FBN3: variants seen among roughly 807,000 people sequenced by gnomAD.
FBN3 encodes the protein fibrillin 3, also known as fibrillin-3.
FBN3 carries 234 observed loss-of-function variants against 330.1 expected under a neutral mutation model. That is an observed-to-expected ratio of 0.71 (90% CI 0.64 to 0.79). The LOEUF (loss-of-function observed/expected upper bound fraction) is 0.79. Among genes scored for constraint, FBN3 ranks in the 30% least tolerant of loss-of-function variants. The probability of loss-of-function intolerance (pLI) is 0.00; values close to 1 mark genes in which losing one functional copy is unlikely to be tolerated. For synonymous variants in FBN3, 1,458 were observed against 1,517.3 expected (o/e 0.96, Z 0.91); for missense variants, 3,606 against 3,886.9 (o/e 0.93, Z 1.92).
rs1224333054 is a variant in FBN3 at position 8,131,074 on chromosome 19, G to A, written c.2044+161C>T. Among the ~76,000 whole-genome samples, 1 of 152,182 alleles carries A rather than the reference G, an allele frequency of 6.6e-6. No individual in the cohort carries two copies. Reference sequence around the variant, plus strand: ...CACCTTGATCTCCGACCTCTGGCCTGCAGGAGTGTGAGAGAATCAGCTTCT... The same window carrying A: ...CACCTTGATCTCCGACCTCTGGCCTACAGGAGTGTGAGAGAATCAGCTTCT... On this transcript the variant is annotated intron_variant, in intron 16 of 63. Coordinates refer to ENST00000600128, the MANE Select transcript of FBN3 (RefSeq NM_032447.5). This position sits in a 1 kb window ranked among gnomAD's most constrained non-coding sequence, Gnocchi z 4.5.
chr19:8,146,250 T>C (rs1356349029), intron 3 of FBN3, 25 bp from the exon 4 acceptor site: 2 of 1,566,274 alleles, frequency 1.3e-6, no homozygotes, highest in Non-Finnish European at 1.7e-6. Flanking sequence ...CGGGTGGCAG[T>C]CAAGACCAGG....
In FBN3 at chr19:8,100,819, A is replaced by C. The variant is rs755067329; in HGVS notation, c.5161+82T>G. 104 of 1,040,056 alleles carry C rather than the reference A, an allele frequency of 1.0e-4. 1 individual carries two copies. Among genetic ancestry groups the C allele is most frequent in the Middle Eastern group, 6.1e-4 (3 of 4,936 alleles). The allele number at this position is 1,040,056 out of a possible 1,614,324, so 64.4% of individuals were successfully genotyped here. A position where few individuals can be genotyped will look rare whatever the true frequency, so the allele number is the denominator to read the frequency against. ...ATGGAGGAGTGGATGTAAGGAAAAG[A>C]GCTGTTGAGGAGGGGAGGGGTGGGA... On this transcript the variant is annotated intron_variant, in intron 41 of 63. Transcript: ENST00000600128.
At position 8,129,164 on chromosome 19, in the gene FBN3, G is replaced by C; in HGVS notation, c.2171-11C>G. On this transcript the variant is annotated splice_polypyrimidine_tract_variant and intron_variant, in intron 17 of 63. Transcript: ENST00000600128. The surrounding 1 kb of genome is among the most constrained non-coding windows in gnomAD (Gnocchi z 4.5). The stretch of plus-strand genomic sequence containing the variant: ...CACACTCATCCACGTCTGTGGGGTG[G>C]GGGTGGGAGAGAGGGGTGAGGGGTC... 1 of 1,612,578 alleles carries C rather than the reference G, an allele frequency of 6.2e-7. No homozygotes were observed. The highest frequency in any genetic ancestry group is 8.5e-7 in the Non-Finnish European group (1 of 1,179,520).
In FBN3 at chr19:8,123,483, G is replaced by A. The variant is rs888110625; in HGVS notation, c.3063C>T (p.Ala1021=). The A allele has an allele frequency of 5.0e-6, 8 of 1,613,802 alleles. No individual in the cohort carries two copies. The highest frequency in any genetic ancestry group is 6.8e-6 in the Non-Finnish European group (8 of 1,179,926). Residue 1021 remains alanine (A), a synonymous_variant, in exon 24 of 64, where the codon GCC becomes GCT. Transcript: ENST00000600128. ...ACCTACCTGTGCAGTTCCGTTCCTG[G>A]GCATCCAGGGCGAAGCCCCCCGCAC... ...CACAGGFALD[A]QERNCTDIDE...
chr19:8,072,114 G>A lies in FBN3; in HGVS notation c.8022C>T (p.Tyr2674=), dbSNP rs774392146. 1.9e-5 allele frequency: 31 copies of A among 1,611,906 alleles called. No individual in the cohort carries two copies. The highest frequency in any genetic ancestry group is 1.6e-4 in the South Asian group (15 of 90,950). The change falls in exon 63 of 64, where the codon TAC becomes TAT. Residue 2674 remains tyrosine, a synonymous_variant. Transcript: ENST00000600128. ...GGGAGAGGCCATTGATCTTGCATTC[G>A]TAGCAGGCTTCAGACGAGAGCAGCT... ...KEELLSSEAC[Y]ECKINGLSPR... is the part of the protein sequence containing the mutation.
intron 47 of FBN3, among the ~76,000 whole-genome samples, chr19:8,093,019 T>C (rs2144710125): frequency 6.6e-6 from 1 of 151,758 alleles, no homozygotes; most frequent in South Asian, 2.1e-4. Context: ...AACTTATCCA[T>C]GTAACCAAAA....
At chr19:8,111,559 G>C in intron 32 of FBN3, 89 bp downstream of exon 32, 2 of 1,381,372 alleles carry the variant, frequency 1.4e-6, no homozygotes, top group South Asian at 2.7e-5. Context: ...GAAGGAGTCA[G>C]GAGGTCGAGT....
At chr19:8,066,322 G>C in intron 63 of FBN3, 62 bp from the exon 64 acceptor site, 1 of 1,246,942 alleles carries the variant, frequency 8.0e-7, no homozygotes, top group Non-Finnish European at 1.1e-6. Context: ...GTGTGGGTAG[G>C]GGGTCCTCGG....
At chr19:8,072,888 CTG>C (rs1318024243) in intron 62 of FBN3, among the ~76,000 whole-genome samples, 173 bp downstream of exon 62, 1 of 151,158 alleles carries the variant, frequency 6.6e-6, no homozygotes, top group Non-Finnish European at 1.5e-5. Context: ...GTCCAGGACT[CTG>C]TGCATATGTG....
chr19:8,083,490 ACACC>A, intron 56 of FBN3, 118 bp from the exon 57 acceptor site: 2 of 1,237,182 alleles, frequency 1.6e-6, no homozygotes, highest in Non-Finnish European at 2.3e-6. Context: ...CCTCCCTTCC[ACACC>A]GGCCACTGCA....
chr19:8,111,935 C>CCTCT, intron 31 of FBN3, 42 bp downstream of exon 31: 1 of 847,930 alleles, frequency 1.2e-6, no homozygotes, highest in South Asian at 1.5e-5. Context: ...CCCCCACCTA[C>CCTCT]CTCTACTGCT....
chr19:8,119,304 C>A (rs1233747579), intron 25 of FBN3, among the ~76,000 whole-genome samples: 2 of 152,166 alleles, frequency 1.3e-5, no homozygotes, highest in Admixed American at 6.5e-5. Context: ...AGAGGCCTTC[C>A]TCCACTCCCT....
In FBN3 at chr19:8,136,535, C is replaced by T. The variant is rs755558662; in HGVS notation, c.1202-4G>A. 46 of 1,613,752 alleles carry T rather than the reference C, an allele frequency of 2.9e-5. No homozygotes were observed. The highest frequency in any genetic ancestry group is 1.1e-4 in the African/African-American group (8 of 74,902). ...GTCTGGTTCAGGGTAGCAGTGCCTACGGGTGGGGCCGGCAGAGGCATCTGA... is the reference window on the plus strand; with the variant it reads ...GTCTGGTTCAGGGTAGCAGTGCCTATGGGTGGGGCCGGCAGAGGCATCTGA... On this transcript the variant is annotated splice_polypyrimidine_tract_variant and splice_region_variant and intron_variant, in intron 10 of 63. Coordinates refer to ENST00000600128, the MANE Select transcript of FBN3 (RefSeq NM_032447.5).
rs752960191 is a variant in FBN3 at position 8,110,927 on chromosome 19, C to G, written c.4251G>C (p.Gly1417=). The G allele has an allele frequency of 1.2e-6, 2 of 1,614,244 alleles. No homozygotes were observed. The highest frequency in any genetic ancestry group is 1.7e-5 in the Admixed American group (1 of 60,028). The change falls in exon 34 of 64, where the codon GGG becomes GGC. Residue 1417 remains glycine, a synonymous_variant. Transcript: ENST00000600128. ...ECAQGNLCAF[G]SCENLPGMFR... ...ACATTCCAGGCAGGTTCTCACAGCT[C>G]CCAAATGCACAGAGGTTCCCTTGCG...
At chr19:8,107,647 T>C (rs556373002) in intron 37 of FBN3, among the ~76,000 whole-genome samples, 7 of 146,162 alleles carry the variant, frequency 4.8e-5, no homozygotes, top group Non-Finnish European at 9.0e-5. Flanking sequence ...GTTGACTAGA[T>C]GGATGGATAA....
chr19:8,108,303 G>A, intron 36 of FBN3, 65 bp from the exon 37 acceptor site: 2 of 1,318,836 alleles, frequency 1.5e-6, no homozygotes, highest in Non-Finnish European at 2.1e-6. Flanking sequence ...AAACAGGGGA[G>A]CAACAGCAGG....
At chr19:8,145,455 CGGAT>C (rs1568462975) in intron 5 of FBN3, among the ~76,000 whole-genome samples, 2 of 149,124 alleles carry the variant, frequency 1.3e-5, no homozygotes, top group Non-Finnish European at 3.0e-5. Flanking sequence ...CTGAGGCGGG[CGGAT>C]CACGAGGTCA....
intron 52 of FBN3, 23 bp from the exon 53 acceptor site, chr19:8,087,970 C>A (rs779757467): frequency 6.2e-7 from 1 of 1,614,096 alleles, no homozygotes. Flanking sequence ...GTGGAGGTGC[C>A]AGCTGGGTAG....
At chr19:8,087,030 C>T (rs1351481523) in intron 54 of FBN3, 47 bp downstream of exon 54, 3 of 1,582,890 alleles carry the variant, frequency 1.9e-6, no homozygotes, top group Non-Finnish European at 2.6e-6. Flanking sequence ...TGACCTCTCC[C>T]TTCCACAAGG....
Sources: allele counts gnomAD v4.1 joint callset (sites outside exome capture counted in the v4.1 genomes callset), GRCh38; gene constraint gnomAD v4.1.1; non-coding constraint Gnocchi (gnomAD v3.1); transcripts MANE v1.5; gene names NCBI Gene and HGNC (gene_info 2026-07-23, HGNC 2026-07-21).